KIAA1210: variants seen among roughly 807,000 people sequenced by gnomAD.
KIAA1210 encodes acrosomal protein KIAA1210.
KIAA1210 carries 48 observed loss-of-function variants against 78.9 expected under a neutral mutation model. The ratio of observed to expected loss-of-function variants is 0.61; its 90% CI spans 0.48 to 0.77. KIAA1210 has a LOEUF of 0.77. Ranked by LOEUF, KIAA1210 falls within the 30% of genes least tolerant of loss-of-function variation. KIAA1210 has a pLI of 0.00. For missense variants in KIAA1210, 1,108 were observed against 1,100.0 expected (o/e 1.01, Z -0.10); for synonymous variants, 406 against 404.5 (o/e 1.00, Z -0.04).
At chrX:119,086,047 C>T (rs1569311243) in intron 9 of KIAA1210, among the ~76,000 whole-genome samples, 2 of 112,609 alleles carry the variant, frequency 1.8e-5, no homozygotes, top group South Asian at 3.7e-4. Flanking sequence ...GGGAGACATT[C>T]GTGCCCAAAA....
intron 7 of KIAA1210, among the ~76,000 whole-genome samples, chrX:119,094,772 G>A (rs1198806920): frequency 9.0e-6 from 1 of 111,563 alleles, no homozygotes; most frequent in East Asian, 2.8e-4. Flanking sequence ...CAGAGAGAGA[G>A]TCACAGGGAA....
At chrX:119,093,229 A>G (rs772647995) in intron 8 of KIAA1210, among the ~76,000 whole-genome samples, 10 of 112,261 alleles carry the variant, frequency 8.9e-5, no homozygotes, top group Non-Finnish European at 1.9e-4. Flanking sequence ...CAGGAAGAGA[A>G]AGGCAACTTT....
chrX:119,129,521 C>T (rs1337769958), upstream of KIAA1210, among the ~76,000 whole-genome samples: 1 of 111,291 alleles, frequency 9.0e-6, no homozygotes, highest in Non-Finnish European at 1.9e-5. Flanking sequence ...CAAAGAACCA[C>T]CTTTGTGGTC....
At chrX:119,139,760 T>A (rs1468727009) in intron 2 of KIAA1210, among the ~76,000 whole-genome samples, 2 of 111,652 alleles carry the variant, frequency 1.8e-5, no homozygotes, top group African/African-American at 3.3e-5. Flanking sequence ...ACAGGGCAAG[T>A]GTGGTGAAGA....
chrX:119,119,806 C>T lies in KIAA1210; in HGVS notation c.62-3142G>A, dbSNP rs761841559. The stretch of plus-strand genomic sequence containing the variant: ...TCTGGCTAACACGGTGAAACCCCGT[C>T]TCTACTAAAAATACAAAAAATTAGC... On this transcript the variant is annotated intron_variant, in intron 2 of 11. Coordinates refer to ENST00000691062, the MANE Select transcript of KIAA1210 (RefSeq NM_001394962.1). Among the ~76,000 whole-genome samples, 444 of 109,815 alleles carry T rather than the reference C, an allele frequency of 4.0e-3. 7 individuals are homozygous for T. Among genetic ancestry groups the T allele is most frequent in the African/African-American group, 0.014 (428 of 30,230 alleles).
At chrX:119,143,313 C>T (rs1049239254) in intron 2 of KIAA1210, among the ~76,000 whole-genome samples, 1 of 112,421 alleles carries the variant, frequency 8.9e-6, no homozygotes, top group Non-Finnish European at 1.9e-5. Context: ...AACCTGTGCC[C>T]TTGGCCCATT....
At position 119,086,417 on chromosome X, in the gene KIAA1210, A is replaced by G. The variant is rs942010315; in HGVS notation, c.4156+129T>C. The G allele has an allele frequency of 9.2e-6, 6 of 648,904 alleles. No individual in the cohort carries two copies. In the African/African-American group the frequency reaches 1.1e-4, roughly 12 times the overall value. 53.5% of individuals were successfully genotyped at this position (648,904 alleles called of 1,213,427 possible). ...GGGGCACTATTTTGCTCCCAAACTC[A>G]TAAACCAGCCCTATCAAAGCCACAA... On this transcript the variant is annotated intron_variant, in intron 9 of 11. Coordinates refer to ENST00000691062, the MANE Select transcript of KIAA1210 (RefSeq NM_001394962.1).
chrX:119,080,421 G>C lies in KIAA1210; in HGVS notation c.*908C>G. 1 of 111,683 alleles carries C rather than the reference G, an allele frequency of 9.0e-6. No individual in the cohort carries two copies. The highest frequency in any genetic ancestry group is 9.4e-5 in the Admixed American group (1 of 10,583). 9.2% of individuals were successfully genotyped at this position (111,683 alleles called of 1,213,427 possible). On this transcript the variant is annotated 3_prime_UTR_variant, in exon 12 of 12. Transcript: ENST00000691062. ...GGGTGATAGGCTGATTGGAGAACTG[G>C]CTGTGCAGAAATTTTCTTGGAGACC...
rs1428220403 is a variant in KIAA1210, at chrX:119,087,031, C to T, written c.3671G>A (p.Arg1224Lys). ...GGTTTTGATTGCAAAAGCTTCATCT[C>T]TTCCTAGGAACCAATTGTCAGAATT... ...ESNSDNWFLG[R>K]DEAFAIKTKK... Residue 1224 changes from arginine to lysine, a missense_variant, in exon 9 of 12, where the codon AGA becomes AAA. Around this residue, in one of 5 missense-constraint regions of KIAA1210, gnomAD observed 245 missense variants for 278.8 expected, o/e 0.88. Coordinates refer to ENST00000691062, the MANE Select transcript of KIAA1210 (RefSeq NM_001394962.1). 1 of 1,209,640 alleles carries T rather than the reference C, an allele frequency of 8.3e-7. No homozygotes were observed. The highest frequency in any genetic ancestry group is 1.8e-5 in the African/African-American group (1 of 57,060).
chrX:119,139,948 T>C (rs1307154094), intron 2 of KIAA1210, among the ~76,000 whole-genome samples: 2 of 111,952 alleles, frequency 1.8e-5, no homozygotes, highest in East Asian at 5.6e-4. Flanking sequence ...AGTCCTTTCT[T>C]GGAGCCTCCG....
intron 1 of KIAA1210, among the ~76,000 whole-genome samples, chrX:119,126,458 A>G (rs1398213262): frequency 2.7e-5 from 3 of 112,424 alleles, no homozygotes; most frequent in Non-Finnish European, 5.6e-5. Flanking sequence ...TTCCTGGCTG[A>G]AAGGTATTGA....
intron 3 of KIAA1210, among the ~76,000 whole-genome samples, chrX:119,111,460 A>G (rs747757135): frequency 4.5e-5 from 5 of 111,487 alleles, no homozygotes; most frequent in Non-Finnish European, 9.4e-5. Flanking sequence ...TTGCAGGGAC[A>G]TGGATGAAGC....
At chrX:119,137,321 C>G (rs185471941) in intron 2 of KIAA1210, among the ~76,000 whole-genome samples, 69 of 112,230 alleles carry the variant, frequency 6.1e-4, no homozygotes, top group African/African-American at 1.6e-3. Context: ...CAATCTGACT[C>G]CAGAGCCAAT....
At chrX:119,086,315 T>TG (rs1167877172) in intron 9 of KIAA1210, among the ~76,000 whole-genome samples, 2 of 111,261 alleles carry the variant, frequency 1.8e-5, no homozygotes, top group African/African-American at 6.5e-5. Context: ...GGAATGTAGA[T>TG]GGATGTCCAG....
intron 10 of KIAA1210, among the ~76,000 whole-genome samples, chrX:119,083,376 T>A (rs1260125802): frequency 8.9e-6 from 1 of 112,504 alleles, no homozygotes; most frequent in African/African-American, 3.2e-5. Flanking sequence ...AAGAGCTGTC[T>A]AATTTTACAA....
In KIAA1210 at chrX:119,079,772, G is replaced by T. The variant is rs891055980; in HGVS notation, c.*1557C>A. ...CTGGGGGATGAGTGGGTCACTGGAA[G>T]GTAGGGTCTCTCCAGCCTAGTAACT... On this transcript the variant is annotated 3_prime_UTR_variant, in exon 12 of 12. Transcript: ENST00000691062. 9.0e-6 allele frequency: 1 copy of T among 111,610 alleles called. No homozygotes were observed. Among genetic ancestry groups the T allele is most frequent in the Non-Finnish European group, 1.9e-5 (1 of 53,142 alleles). The allele number at this position is 111,610 out of a possible 1,213,427, so 9.2% of individuals were successfully genotyped here.
intron 2 of KIAA1210, among the ~76,000 whole-genome samples, chrX:119,138,729 G>A (rs1330103025): frequency 9.0e-6 from 1 of 111,722 alleles, no homozygotes; most frequent in Non-Finnish European, 1.9e-5. Context: ...AAGAAAAGTG[G>A]CAGTGAACCC....
At chrX:119,147,651 A>G in intron 1 of KIAA1210, 16 of 1,101,069 alleles carry the variant, frequency 1.5e-5, no homozygotes, top group Non-Finnish European at 1.9e-5. Flanking sequence ...CTATCATCAC[A>G]GGTCAGTTGG....
intron 3 of KIAA1210, among the ~76,000 whole-genome samples, 184 bp from the exon 4 acceptor site, chrX:119,109,386 T>C (rs921248727): frequency 8.9e-6 from 1 of 112,110 alleles, no homozygotes; most frequent in Non-Finnish European, 1.9e-5. Context: ...TCCCATTTAA[T>C]ATATACACAC....
Sources: allele counts gnomAD v4.1 joint callset (sites outside exome capture counted in the v4.1 genomes callset), GRCh38; gene constraint gnomAD v4.1.1; regional missense constraint gnomAD v4.1.1; transcripts MANE v1.5; gene names NCBI Gene and HGNC (gene_info 2026-07-23, HGNC 2026-07-21).